DCC: variants seen among roughly 807,000 people sequenced by gnomAD.
DCC encodes DCC netrin 1 receptor.
DCC carries 58 observed loss-of-function variants against 172.5 expected under a neutral mutation model. The observed-to-expected ratio is 0.34, with a 90% CI of 0.27 to 0.42. The LOEUF is 0.42. Ranked by LOEUF, DCC falls within the 10% of genes least tolerant of loss-of-function variation. The pLI is 1.00. For synonymous variants in DCC, 709 were observed against 644.5 expected, an observed-to-expected ratio of 1.10 and a Z score of -1.52; for missense variants, 1,740 against 1,791.0, an observed-to-expected ratio of 0.97 and a Z score of 0.51.
chr18:53,356,335 T>C (rs750481311), intron 15 of DCC, among the ~76,000 whole-genome samples: 1 of 152,214 alleles, frequency 6.6e-6, no homozygotes, highest in Admixed American at 6.6e-5. Context: ...TGTTTCTATT[T>C]ATTATGTTTT....
chr18:53,249,135 C>T (rs533676092), intron 12 of DCC, among the ~76,000 whole-genome samples: 16 of 152,016 alleles, frequency 1.1e-4, no homozygotes, highest in Non-Finnish European at 2.1e-4. Context: ...TAGGCATGAA[C>T]GTGTAATGTG....
intron 2 of DCC, among the ~76,000 whole-genome samples, chr18:52,898,290 T>C (rs2039761618): frequency 6.6e-6 from 1 of 152,178 alleles, no homozygotes; most frequent in South Asian, 2.1e-4. Flanking sequence ...ATCCTGATAG[T>C]CTGCCAAGAA....
chr18:52,743,116 G>T (rs1233525873), intron 1 of DCC, among the ~76,000 whole-genome samples: 2 of 152,114 alleles, frequency 1.3e-5, no homozygotes, highest in African/African-American at 4.8e-5. Context: ...ACAATAAATG[G>T]CATCTCCAAA....
intron 15 of DCC, among the ~76,000 whole-genome samples, chr18:53,384,879 G>T (rs1446260253): frequency 6.6e-6 from 1 of 150,612 alleles, no homozygotes; most frequent in East Asian, 2.0e-4. Flanking sequence ...GCAGAGTCTC[G>T]CTGTGTCGCG....
chr18:53,503,394 T>TAATA (rs761683301), intron 27 of DCC, among the ~76,000 whole-genome samples: 63 of 152,296 alleles, frequency 4.1e-4, no homozygotes, highest in Middle Eastern at 3.4e-3. Context: ...CATCACCTTA[T>TAATA]AATAGAGTGC....
chr18:52,590,161 GT>G (rs1453104878), intron 1 of DCC, among the ~76,000 whole-genome samples: 2 of 2,156 alleles, frequency 9.3e-4, no homozygotes, highest in Non-Finnish European at 7.5e-3. Context: ...TATAAATGGT[GT>G]GTGTGTGTGT....
chr18:53,294,495 G>A (rs545795969), intron 12 of DCC, among the ~76,000 whole-genome samples: 3 of 152,296 alleles, frequency 2.0e-5, no homozygotes, highest in South Asian at 2.1e-4. Flanking sequence ...GGTTCAGAGC[G>A]CTAAATCAGG....
chr18:53,291,485 T>G (rs2057004301), intron 12 of DCC, among the ~76,000 whole-genome samples: 1 of 152,204 alleles, frequency 6.6e-6, no homozygotes, highest in Non-Finnish European at 1.5e-5. Context: ...CTACTCACCT[T>G]ACTGCTCAAA....
intron 25 of DCC, among the ~76,000 whole-genome samples, chr18:53,478,061 T>G (rs1040521856): frequency 6.6e-6 from 1 of 152,164 alleles, no homozygotes; most frequent in Non-Finnish European, 1.5e-5. Flanking sequence ...ATAACACCAG[T>G]GAGGGTGAAG....
At chr18:53,081,478 G>T (rs549719660) in intron 7 of DCC, among the ~76,000 whole-genome samples, 13 of 151,706 alleles carry the variant, frequency 8.6e-5, no homozygotes, top group Middle Eastern at 6.8e-3. Flanking sequence ...TCTCTATTGG[G>T]TATCAGTGAT....
chr18:53,483,958 C>CATAG (rs56285631), intron 25 of DCC, among the ~76,000 whole-genome samples: 6,528 of 144,594 alleles, frequency 0.045, 139 homozygotes, highest in Non-Finnish European at 0.05. Context: ...CCTATGTTTG[C>CATAG]ATAGATAGAT....
chr18:52,491,180 G>C (rs1243159191), intron 1 of DCC, among the ~76,000 whole-genome samples: 1 of 151,832 alleles, frequency 6.6e-6, no homozygotes, highest in African/African-American at 2.4e-5. Flanking sequence ...TTTATTCATT[G>C]ATCCATTAAG....
intron 7 of DCC, among the ~76,000 whole-genome samples, chr18:53,067,161 T>G (rs1306500627): frequency 6.6e-6 from 1 of 152,134 alleles, no homozygotes; most frequent in East Asian, 1.9e-4. Flanking sequence ...TTTTTAATTA[T>G]AATTGCAAAA....
chr18:52,539,092 A>G (rs2032366567), intron 1 of DCC, among the ~76,000 whole-genome samples: 1 of 152,184 alleles, frequency 6.6e-6, no homozygotes, highest in Non-Finnish European at 1.5e-5. Context: ...GTTTGTTAGA[A>G]CATGAACTGG....
At chr18:52,562,273 G>T (rs539066095) in intron 1 of DCC, among the ~76,000 whole-genome samples, 1 of 152,190 alleles carries the variant, frequency 6.6e-6, no homozygotes, top group African/African-American at 2.4e-5. Context: ...TATATGAACC[G>T]ACATTCTTTA....
chr18:53,310,690 CATA>C (rs1046194595), intron 13 of DCC, among the ~76,000 whole-genome samples: 1 of 151,874 alleles, frequency 6.6e-6, no homozygotes, highest in Non-Finnish European at 1.5e-5. Flanking sequence ...ATATAATAAA[CATA>C]ATAATAAAGA....
At chr18:53,017,592 A>G (rs1347728053) in intron 5 of DCC, among the ~76,000 whole-genome samples, 1 of 152,182 alleles carries the variant, frequency 6.6e-6, no homozygotes, top group Non-Finnish European at 1.5e-5. Flanking sequence ...ATTTATATTC[A>G]TGATATTCAA....
chr18:53,047,837 G>A (rs979850056), intron 5 of DCC, among the ~76,000 whole-genome samples: 5 of 150,350 alleles, frequency 3.3e-5, no homozygotes, highest in Admixed American at 6.7e-5. Context: ...AATGAACATG[G>A]GACTAATACA....
At chr18:52,664,552 A>G (rs1423127215) in intron 1 of DCC, among the ~76,000 whole-genome samples, 5 of 144,620 alleles carry the variant, frequency 3.5e-5, no homozygotes, top group East Asian at 4.1e-4. Flanking sequence ...CTCACTGCAA[A>G]CTCCGCCTCC....
Sources: allele counts gnomAD v4.1 joint callset (sites outside exome capture counted in the v4.1 genomes callset), GRCh38; gene constraint gnomAD v4.1.1; transcripts MANE v1.5; gene names NCBI Gene and HGNC (gene_info 2026-07-23, HGNC 2026-07-21).